The following PCDH11X variants were observed in gnomAD, a reference collection of about 807,000 sequenced individuals.
PCDH11X encodes the protein protocadherin 11 X-linked.
A neutral mutation model predicts 53.3 loss-of-function variants in PCDH11X; 18 were observed. The observed-to-expected ratio is 0.34, with a 90% CI of 0.23 to 0.50. The LOEUF is 0.50. Among genes scored for constraint, PCDH11X ranks in the 20% least tolerant of loss-of-function variants. The probability of loss-of-function intolerance (pLI) is 0.98; values close to 1 mark genes in which losing one functional copy is unlikely to be tolerated. For synonymous variants in PCDH11X, 279 were observed against 393.3 expected (o/e 0.71, Z 3.44); for missense variants, 570 against 1,032.4 (o/e 0.55, Z 6.14).
chrX:92,223,664 A>G (rs998738186), intron 7 of PCDH11X, among the ~76,000 whole-genome samples: 4 of 111,941 alleles, frequency 3.6e-5, no homozygotes, highest in East Asian at 5.6e-4. Context: ...CTGACTCACT[A>G]TGTAATTTTC....
rs1327575266 is a variant in PCDH11X at position 92,026,380 on chromosome X, A to G, written c.3033+147107A>G. 2.8e-5 allele frequency among the ~76,000 whole-genome samples: 3 copies of G among 106,659 alleles called. No homozygotes were observed. In the South Asian group the frequency reaches 1.4e-3, roughly 49 times the overall value. 92.6% of individuals were successfully genotyped at this position (106,659 alleles called of 115,157 possible). The stretch of plus-strand genomic sequence containing the variant: ...CTTGCAATAGAAACCATATGGTTCA[A>G]CAATCATAAATTATTTACTATCTGC... On this transcript the variant is annotated intron_variant, in intron 6 of 10. Coordinates refer to ENST00000682573, the MANE Select transcript of PCDH11X (RefSeq NM_032968.5).
intron 9 of PCDH11X, among the ~76,000 whole-genome samples, chrX:92,445,636 G>C (rs1288289627): frequency 9.2e-6 from 1 of 108,927 alleles, no homozygotes; most frequent in African/African-American, 3.3e-5. Context: ...GTCTAAAACC[G>C]ATTTTAAAAC....
At chrX:92,473,029 T>G (rs1202470580) in intron 10 of PCDH11X, among the ~76,000 whole-genome samples, 82 of 105,304 alleles carry the variant, frequency 7.8e-4, no homozygotes, top group African/African-American at 2.7e-3. Context: ...TGAAAAAATG[T>G]GTTTTTTGTT....
chrX:92,519,151 T>C (rs758948523), intron 10 of PCDH11X, among the ~76,000 whole-genome samples: 3 of 110,597 alleles, frequency 2.7e-5, no homozygotes, highest in South Asian at 3.9e-4. Flanking sequence ...TTTGTTGTGA[T>C]AATACATTAC....
intron 6 of PCDH11X, among the ~76,000 whole-genome samples, chrX:91,957,555 C>A (rs1469705297): frequency 2.0e-5 from 2 of 99,953 alleles, no homozygotes; most frequent in African/African-American, 7.6e-5. Context: ...TGCTTTAGAC[C>A]CTAGTTGCCT....
intron 6 of PCDH11X, among the ~76,000 whole-genome samples, chrX:92,196,573 C>T (rs766347748): frequency 1.8e-5 from 2 of 110,676 alleles, no homozygotes; most frequent in South Asian, 7.6e-4. Flanking sequence ...TCACTCATCA[C>T]ATTATTGTAA....
chrX:91,980,599 T>A (rs2062113712), intron 6 of PCDH11X, among the ~76,000 whole-genome samples: 2 of 108,663 alleles, frequency 1.8e-5, no homozygotes, highest in Non-Finnish European at 3.8e-5. Context: ...ACTGGCTAAA[T>A]TTTGTTGTTG....
At chrX:92,346,074 G>A in intron 8 of PCDH11X, among the ~76,000 whole-genome samples, 1 of 110,671 alleles carries the variant, frequency 9.0e-6, no homozygotes, top group Non-Finnish European at 1.9e-5. Context: ...AAGTGAAGCA[G>A]CAAATATAGA....
At chrX:92,123,990 CCT>C (rs1347746601) in intron 6 of PCDH11X, among the ~76,000 whole-genome samples, 1 of 110,959 alleles carries the variant, frequency 9.0e-6, no homozygotes, top group Non-Finnish European at 1.9e-5. Context: ...TGCTGTCTTG[CCT>C]CTGTGTCTTT....
intron 8 of PCDH11X, among the ~76,000 whole-genome samples, chrX:92,374,714 C>T (rs1237775615): frequency 4.5e-5 from 5 of 111,124 alleles, no homozygotes; most frequent in Admixed American, 9.6e-5. Flanking sequence ...GAGATGTGTT[C>T]AAGTGTAATA....
intron 6 of PCDH11X, among the ~76,000 whole-genome samples, chrX:92,026,176 C>T (rs1314720346): frequency 9.1e-6 from 1 of 109,772 alleles, no homozygotes; most frequent in Non-Finnish European, 1.9e-5. Flanking sequence ...AACAAACCTC[C>T]ACATGTACCT....
At chrX:92,490,056 C>T (rs751203223) in intron 10 of PCDH11X, among the ~76,000 whole-genome samples, 41 of 109,293 alleles carry the variant, frequency 3.8e-4, no homozygotes, top group Non-Finnish European at 5.5e-4. Context: ...TATAACCCTT[C>T]TCCTTGTAAA....
chrX:92,540,293 TCCCTCCTCTTTCCACAGGCAGAGGAAC>T (rs2074733714), intron 10 of PCDH11X, among the ~76,000 whole-genome samples: 1 of 109,634 alleles, frequency 9.1e-6, no homozygotes, highest in Non-Finnish European at 1.9e-5. Flanking sequence ...TTCCTGCTTT[TCCCTCCTCTTTCCACAGGCAGAGGAAC>T]CCCTCCCTGT....
intron 9 of PCDH11X, among the ~76,000 whole-genome samples, chrX:92,399,811 G>A (rs1301276204): frequency 1.9e-4 from 21 of 108,894 alleles, no homozygotes; most frequent in African/African-American, 3.0e-4. Flanking sequence ...GCGTGATCTC[G>A]GCTCACTGCA....
At chrX:92,109,524 C>T (rs1459934640) in intron 6 of PCDH11X, among the ~76,000 whole-genome samples, 1 of 111,185 alleles carries the variant, frequency 9.0e-6, no homozygotes, top group Non-Finnish European at 1.9e-5. Context: ...CTGGTTGAGC[C>T]AGGTCTGGGT....
chrX:91,799,813 G>A (rs1935867634), intron 1 of PCDH11X, among the ~76,000 whole-genome samples: 1 of 112,087 alleles, frequency 8.9e-6, no homozygotes, highest in Non-Finnish European at 1.9e-5. Flanking sequence ...GGCTGGTTGC[G>A]GTGGCTCCCG....
chrX:92,259,646 G>C (rs1287977676), intron 7 of PCDH11X, among the ~76,000 whole-genome samples: 1 of 111,387 alleles, frequency 9.0e-6, no homozygotes, highest in African/African-American at 3.3e-5. Context: ...ATTTTGGTGA[G>C]GACTCAGATC....
intron 10 of PCDH11X, among the ~76,000 whole-genome samples, chrX:92,520,375 T>C (rs1286514065): frequency 9.4e-6 from 1 of 106,664 alleles, no homozygotes; most frequent in African/African-American, 3.4e-5. Flanking sequence ...CATCTGCACC[T>C]TCAGGGGATA....
At chrX:92,352,250 C>T (rs1192891536) in intron 8 of PCDH11X, among the ~76,000 whole-genome samples, 1 of 111,736 alleles carries the variant, frequency 8.9e-6, no homozygotes, top group Non-Finnish European at 1.9e-5. Flanking sequence ...ATTAGAAAGA[C>T]ATTATATACC....
Sources: gnomAD v4.1 joint callset for allele counts (sites outside exome capture counted in the v4.1 genomes callset) on GRCh38, gnomAD v4.1.1 for gene constraint, MANE v1.5 for transcripts, NCBI Gene and HGNC (gene_info 2026-07-23, HGNC 2026-07-21) for gene names.